ZNF407: variants seen among roughly 807,000 people sequenced by gnomAD.
The protein encoded by ZNF407 is zinc finger protein 407.
In ZNF407, 17 loss-of-function variants were observed where a neutral mutation model predicts 131.2. That is an observed-to-expected ratio of 0.13 (90% CI 0.09 to 0.19). ZNF407 has a LOEUF of 0.19. ZNF407 is among the 10% of genes least tolerant of loss of function. ZNF407 has a pLI of 1.00. For missense variants in ZNF407, 2,681 were observed against 2,830.6 expected, an observed-to-expected ratio of 0.95 and a Z score of 1.20; for synonymous variants, 1,156 against 1,062.0, an observed-to-expected ratio of 1.09 and a Z score of -1.72.
chr18:74,704,660 A>G (rs548350988), intron 3 of ZNF407, among the ~76,000 whole-genome samples: 14 of 152,372 alleles, frequency 9.2e-5, no homozygotes, highest in Middle Eastern at 3.4e-3. Flanking sequence ...CATAAATGAC[A>G]TCTTGATGGG....
At chr18:74,932,934 C>T (rs184584748) in intron 8 of ZNF407, among the ~76,000 whole-genome samples, 1 of 152,122 alleles carries the variant, frequency 6.6e-6, no homozygotes, top group African/African-American at 2.4e-5. Context: ...AACCCTTATG[C>T]GCTGCTGAAG....
At chr18:74,867,008 A>AG (rs1971021509) in intron 4 of ZNF407, among the ~76,000 whole-genome samples, 3 of 150,146 alleles carry the variant, frequency 2.0e-5, no homozygotes, top group South Asian at 2.1e-4. Flanking sequence ...AAAAAAAAAA[A>AG]AGGAAGAAAT....
At chr18:74,706,091 T>C (rs1297355033) in intron 3 of ZNF407, among the ~76,000 whole-genome samples, 2 of 152,354 alleles carry the variant, frequency 1.3e-5, no homozygotes, top group South Asian at 2.1e-4. Context: ...CTGTGGTTAG[T>C]CATTGTCATG....
intron 8 of ZNF407, among the ~76,000 whole-genome samples, chr18:74,980,621 T>A (rs1007461719): frequency 1.3e-5 from 2 of 152,224 alleles, no homozygotes; most frequent in African/African-American, 4.8e-5. Flanking sequence ...GTTGAATTTC[T>A]AATTCTCTAC....
At chr18:74,732,867 C>T (rs986837317) in intron 3 of ZNF407, among the ~76,000 whole-genome samples, 2 of 151,664 alleles carry the variant, frequency 1.3e-5, no homozygotes, top group African/African-American at 4.8e-5. Context: ...GAAATCTATT[C>T]AATATTTAAA....
intron 3 of ZNF407, among the ~76,000 whole-genome samples, chr18:74,676,488 G>A (rs577792542): frequency 5.3e-5 from 8 of 149,824 alleles, no homozygotes; most frequent in Non-Finnish European, 1.2e-4. Context: ...CCAGGCTGGA[G>A]TGCAGTGGCG....
intron 8 of ZNF407, among the ~76,000 whole-genome samples, chr18:74,941,685 C>A (rs1972100889): frequency 6.6e-6 from 1 of 152,128 alleles, no homozygotes; most frequent in Non-Finnish European, 1.5e-5. Flanking sequence ...TGCTGGGTCC[C>A]CCTTCGTTTC....
chr18:75,060,379 T>C (rs1457673082), intron 8 of ZNF407: 1 of 152,242 alleles, frequency 6.6e-6, no homozygotes, highest in Non-Finnish European at 1.5e-5. Context: ...CCCCCTGCGG[T>C]TCACTAGCCC....
At position 74,635,642 on chromosome 18, in the gene ZNF407, T is replaced by C. The variant is rs1220707156; in HGVS notation, c.4623T>C (p.Tyr1541=). The change falls in exon 2 of 9, where the codon TAT becomes TAC. Residue 1541 remains tyrosine (Y), a synonymous_variant. Coordinates refer to ENST00000299687, the MANE Select transcript of ZNF407 (RefSeq NM_017757.3). The surrounding 1 kb of genome is among the most constrained non-coding windows in gnomAD (Gnocchi z 4.7). Reference sequence around the variant, plus strand: ...AAAACCAGGGAAACGTCTGCAAGTATTGTGGGAAGATGTGTCGAAGCAGCA... The same window carrying C: ...AAAACCAGGGAAACGTCTGCAAGTACTGTGGGAAGATGTGTCGAAGCAGCA... ...REENQGNVCK[Y]CGKMCRSSNS... is the part of the protein sequence containing the mutation. 6.2e-7 allele frequency: 1 copy of C among 1,612,912 alleles called. No individual in the cohort carries two copies. Among genetic ancestry groups the C allele is most frequent in the African/African-American group, 1.3e-5 (1 of 74,978 alleles).
chr18:74,743,363 CTG>C (rs141590708), intron 3 of ZNF407, among the ~76,000 whole-genome samples: 10 of 150,442 alleles, frequency 6.6e-5, no homozygotes, highest in African/African-American at 7.3e-5. Flanking sequence ...CTTGTCAGAT[CTG>C]TGTGTGTGTG....
At chr18:74,724,191 T>G (rs1420776582) in intron 3 of ZNF407, among the ~76,000 whole-genome samples, 1 of 152,214 alleles carries the variant, frequency 6.6e-6, no homozygotes, top group Non-Finnish European at 1.5e-5. Flanking sequence ...ATTTTATTTT[T>G]TGTTCAAATT....
At chr18:75,010,492 TC>T (rs1322833928) in intron 8 of ZNF407, among the ~76,000 whole-genome samples, 2 of 152,170 alleles carry the variant, frequency 1.3e-5, no homozygotes, top group African/African-American at 2.4e-5. Context: ...TTCTGCCACT[TC>T]CTTGTGACTG....
chr18:74,757,515 T>C (rs573942007), intron 3 of ZNF407, among the ~76,000 whole-genome samples: 262 of 152,242 alleles, frequency 1.7e-3, no homozygotes, highest in African/African-American at 6.1e-3. Flanking sequence ...GAAATAAAAG[T>C]ATTTCTTGTA....
chr18:74,753,234 G>T (rs1968849038), intron 3 of ZNF407, among the ~76,000 whole-genome samples: 1 of 152,138 alleles, frequency 6.6e-6, no homozygotes, highest in African/African-American at 2.4e-5. Context: ...TATTGATTTT[G>T]TATCCTGAGA....
chr18:74,698,350 T>G (rs966010199), intron 3 of ZNF407, among the ~76,000 whole-genome samples: 4 of 152,246 alleles, frequency 2.6e-5, no homozygotes, highest in African/African-American at 9.6e-5. Context: ...TCTAGACTTA[T>G]AACCAGCATA....
Position 74,774,974 on chromosome 18 carries a change from G to A in ZNF407, c.4803-6454G>A, listed in dbSNP as rs569590530. Among the ~76,000 whole-genome samples the A allele has an allele frequency of 5.3e-5, 8 of 152,222 alleles. No homozygotes were observed. The South Asian group carries it at 6.2e-4, about 12-fold the overall frequency. Reference sequence around the variant, plus strand: ...CATCCCAAAACGTTAGTGGTGAGCCGGTTTGGAGAGGGTACAAGTATTTCA... The same window carrying A: ...CATCCCAAAACGTTAGTGGTGAGCCAGTTTGGAGAGGGTACAAGTATTTCA... On this transcript the variant is annotated intron_variant, in intron 3 of 8. Transcript: ENST00000299687.
chr18:75,026,139 G>A (rs992694182), intron 8 of ZNF407, among the ~76,000 whole-genome samples: 2 of 152,174 alleles, frequency 1.3e-5, no homozygotes, highest in Non-Finnish European at 2.9e-5. Context: ...GTCAAGAGAC[G>A]ACGACAAAGG....
intron 4 of ZNF407, among the ~76,000 whole-genome samples, chr18:74,858,947 A>G (rs1366801622): frequency 6.6e-6 from 1 of 151,368 alleles, no homozygotes; most frequent in Non-Finnish European, 1.5e-5. Context: ...TCCTTATCTG[A>G]GCAACAAGAT....
At chr18:74,926,177 T>C (rs1971910822) in intron 8 of ZNF407, among the ~76,000 whole-genome samples, 1 of 152,238 alleles carries the variant, frequency 6.6e-6, no homozygotes, top group Non-Finnish European at 1.5e-5. Context: ...GTACCCTCAA[T>C]GTCCATCATG....
Sources: gnomAD v4.1 joint callset for allele counts (sites outside exome capture counted in the v4.1 genomes callset) on GRCh38, gnomAD v4.1.1 for gene constraint, Gnocchi (gnomAD v3.1) non-coding constraint, MANE v1.5 for transcripts, NCBI Gene and HGNC (gene_info 2026-07-23, HGNC 2026-07-21) for gene names.